VSX1: variants seen among roughly 807,000 people sequenced by gnomAD.
VSX1 encodes visual system homeobox 1.
A neutral mutation model predicts 23.6 loss-of-function variants in VSX1; 23 were observed. The observed-to-expected ratio is 0.97, with a 90% CI of 0.70 to 1.38. The LOEUF (loss-of-function observed/expected upper bound fraction) is 1.38. Ranked by LOEUF, VSX1 falls within the 40% of genes most tolerant of loss-of-function variation. The probability of loss-of-function intolerance (pLI) is 0.00; values close to 1 mark genes in which losing one functional copy is unlikely to be tolerated. For synonymous variants in VSX1, 247 were observed against 215.1 expected (o/e 1.15, Z -1.30); for missense variants, 517 against 495.4 (o/e 1.04, Z -0.41).
chr20:25,075,710 C>T lies in VSX1; in HGVS notation c.*551G>A, dbSNP rs1259305326. The T allele has an allele frequency of 6.4e-6, 1 of 155,226 alleles. No individual in the cohort carries two copies. The highest frequency in any genetic ancestry group is 2.4e-5 in the African/African-American group (1 of 41,430). 9.6% of individuals were successfully genotyped at this position (155,226 alleles called of 1,614,324 possible). On this transcript the variant is annotated 3_prime_UTR_variant, in exon 5 of 5. Transcript: ENST00000376709. The stretch of plus-strand genomic sequence containing the variant: ...ATGGGTTTCTTTGAATTCCAATATG[C>T]ATAGCCTATCAAGTGACACTCAAGA...
chr20:25,070,918 A>C (rs1434180404), downstream of VSX1: 2 of 418,470 alleles, frequency 4.8e-6, no homozygotes, highest in African/African-American at 4.2e-5. Flanking sequence ...AATTCTTATA[A>C]AGAAAGAATG....
At chr20:25,072,103 C>G (rs144022074), downstream of VSX1, 17 of 592,006 alleles carry the variant, frequency 2.9e-5, no homozygotes, top group Admixed American at 3.8e-4. Context: ...TGAGAGAGAG[C>G]GAGAGACTGT....
chr20:25,079,472 G>C lies in VSX1; in HGVS notation c.467C>G (p.Ser156Cys), dbSNP rs752449755. 3 of 1,613,012 alleles carry C rather than the reference G, an allele frequency of 1.9e-6. No individual in the cohort carries two copies. The highest frequency in any genetic ancestry group is 1.3e-5 in the African/African-American group (1 of 74,978). The change falls in exon 2 of 5, where the codon TCC (serine) becomes TGC (cysteine). Residue 156 changes from serine to cysteine, a missense_variant. Ser to Cys is a moderately radical substitution (Grantham distance 112). Transcript: ENST00000376709. ...QSEDRNDLKA[S>C]PTLGKRKKRR... is the part of the protein sequence containing the mutation. The stretch of plus-strand genomic sequence containing the variant: ...CTTCTTCCTCTTGCCCAAGGTGGGG[G>C]ATGCCTTTAGGTCATTCCTGTCTTC...
chr20:25,076,838 C>G (rs1025633123), intron 4 of VSX1, among the ~76,000 whole-genome samples: 1 of 152,230 alleles, frequency 6.6e-6, no homozygotes, highest in Non-Finnish European at 1.5e-5. Flanking sequence ...AGTGCCCTCC[C>G]CCACCTGTTT....
At chr20:25,072,844 G>A (rs2089407831), downstream of VSX1, among the ~76,000 whole-genome samples, 2 of 152,180 alleles carry the variant, frequency 1.3e-5, no homozygotes, top group African/African-American at 4.8e-5. Context: ...TGCTGCTACA[G>A]GGCCAAGAGT....
intron 3 of VSX1, 71 bp from the exon 4 acceptor site, chr20:25,077,936 G>T: frequency 6.6e-7 from 1 of 1,525,200 alleles, no homozygotes; most frequent in Non-Finnish European, 8.9e-7. Flanking sequence ...AGGAGCGGAG[G>T]CGGCGTCCCA....
At position 25,078,852 on chromosome 20, in the gene VSX1, C is replaced by A; in HGVS notation, c.604G>T (p.Glu202Ter). 1.9e-6 allele frequency: 3 copies of A among 1,614,142 alleles called. No individual in the cohort carries two copies. Among genetic ancestry groups the A allele is most frequent in the Non-Finnish European group, 2.5e-6 (3 of 1,180,018 alleles). Residue 202 changes from glutamate to a stop codon, truncating the protein, a stop_gained, in exon 3 of 5, where the codon GAG (glutamate) becomes TAG (stop). Coordinates refer to ENST00000376709, the MANE Select transcript of VSX1 (RefSeq NM_014588.6). LOFTEE classifies it high-confidence loss of function. ...YAREMLAVKT[E>*]LPEDRIQVWF... ...ACCTGTATCCGGTCTTCGGGGAGCT[C>A]AGTTTTCACAGCCAGCATTTCTCGG...
downstream of VSX1, chr20:25,071,119 C>A (rs1305243604): frequency 2.2e-6 from 1 of 453,916 alleles, no homozygotes; most frequent in African/African-American, 2.0e-5. Context: ...CAGCTGGTGA[C>A]TTAGAGGGTC....
intron 4 of VSX1, among the ~76,000 whole-genome samples, chr20:25,076,786 G>T (rs2089504306): frequency 6.6e-6 from 1 of 152,124 alleles, no homozygotes; most frequent in African/African-American, 2.4e-5. Flanking sequence ...GATTGGCATT[G>T]GGCCCACTTT....
intron 1 of VSX1, among the ~76,000 whole-genome samples, chr20:25,081,020 G>A (rs1331342650): frequency 6.6e-6 from 1 of 152,162 alleles, no homozygotes; most frequent in Non-Finnish European, 1.5e-5. Context: ...CCCGCGACCC[G>A]TCTGGATTTC....
chr20:25,076,050 C>T lies in VSX1; in HGVS notation c.*211G>A, dbSNP rs1163174788. The T allele has an allele frequency of 1.9e-5, 12 of 647,134 alleles. No homozygotes were observed. In the East Asian group the frequency reaches 2.2e-4, roughly 12 times the overall value. The allele number at this position is 647,134 out of a possible 1,614,324, so 40.1% of individuals were successfully genotyped here. The stretch of plus-strand genomic sequence containing the variant: ...TGCACCAAGTTAACTGGTTAAAGTG[C>T]CATTAAGGAACCGTTTCCATTCTAG... On this transcript the variant is annotated 3_prime_UTR_variant, in exon 5 of 5. Coordinates refer to ENST00000376709, the MANE Select transcript of VSX1 (RefSeq NM_014588.6).
At chr20:25,079,058 G>C (rs1407907073) in intron 2 of VSX1, 106 bp from the exon 3 acceptor site, 1 of 1,352,302 alleles carries the variant, frequency 7.4e-7, no homozygotes, top group East Asian at 2.3e-5. Flanking sequence ...CCAGACCCTA[G>C]AAGCCACTTC....
chr20:25,079,041 C>T (rs895499205), intron 2 of VSX1, 89 bp from the exon 3 acceptor site: 2 of 1,528,796 alleles, frequency 1.3e-6, no homozygotes, highest in African/African-American at 1.4e-5. Flanking sequence ...CCTGCTTCCT[C>T]TGCTGTCCAG....
At chr20:25,081,292 C>A in intron 1 of VSX1, 1 of 455,298 alleles carries the variant, frequency 2.2e-6, no homozygotes, top group Non-Finnish European at 4.3e-6. Flanking sequence ...CTGGTGACCA[C>A]CACAGGCCCG....
downstream of VSX1, among the ~76,000 whole-genome samples, chr20:25,073,288 A>G (rs2089418913): frequency 6.6e-6 from 1 of 152,180 alleles, no homozygotes; most frequent in Non-Finnish European, 1.5e-5. Flanking sequence ...AAAACTTAGA[A>G]CATATTTAAA....
At chr20:25,081,557 C>G (rs1447548757) in intron 1 of VSX1, 116 bp downstream of exon 1, 4 of 1,489,080 alleles carry the variant, frequency 2.7e-6, no homozygotes, top group African/African-American at 1.4e-5. Context: ...CTCTGGGCTC[C>G]CCGCCTAGAT....
intron 1 of VSX1, chr20:25,081,413 T>C (rs1203682738): frequency 2.7e-6 from 2 of 747,756 alleles, no homozygotes; most frequent in Non-Finnish European, 4.9e-6. Flanking sequence ...CATCAAAAGG[T>C]TCCACCCGGA....
intron 3 of VSX1, chr20:25,078,077 A>C: frequency 1.6e-6 from 1 of 614,242 alleles, no homozygotes; most frequent in South Asian, 2.0e-5. Context: ...GTCCGGACTC[A>C]CGGGCATTCA....
intron 4 of VSX1, among the ~76,000 whole-genome samples, chr20:25,076,913 T>C (rs2089508464): frequency 6.6e-6 from 1 of 152,198 alleles, no homozygotes; most frequent in Non-Finnish European, 1.5e-5. Flanking sequence ...TTTCAGTCCT[T>C]GAGAGCAAAG....
Sources: gnomAD v4.1 joint callset for allele counts (sites outside exome capture counted in the v4.1 genomes callset) on GRCh38, gnomAD v4.1.1 for gene constraint, MANE v1.5 for transcripts, NCBI Gene and HGNC (gene_info 2026-07-23, HGNC 2026-07-21) for gene names.